Variants in SLC36A2 observed in about 807,000 individuals in gnomAD.
SLC36A2 encodes solute carrier family 36 member 2.
SLC36A2 carries 39 observed loss-of-function variants against 42.7 expected under a neutral mutation model. That is an observed-to-expected ratio of 0.91 (90% CI 0.71 to 1.19). The LOEUF (loss-of-function observed/expected upper bound fraction) is 1.19, where lower values mean the gene tolerates loss of function less well. SLC36A2 is among the 50% of genes most tolerant of loss of function. The pLI is 0.00. For missense variants in SLC36A2, 590 were observed against 613.7 expected, an observed-to-expected ratio of 0.96 and a Z score of 0.41; for synonymous variants, 237 against 240.8, an observed-to-expected ratio of 0.98 and a Z score of 0.15.
chr5:151,320,129 A>AT (rs11332796), intron 9 of SLC36A2, among the ~76,000 whole-genome samples: 213 of 151,232 alleles, frequency 1.4e-3, no homozygotes, highest in Non-Finnish European at 2.4e-3. Context: ...AGAGATTAAT[A>AT]TTTTTTTTTT....
At chr5:151,323,787 C>T (rs561602251) in intron 8 of SLC36A2, among the ~76,000 whole-genome samples, 2 of 152,298 alleles carry the variant, frequency 1.3e-5, no homozygotes, top group East Asian at 3.9e-4. Context: ...GATCAGGAGC[C>T]GGCGAAGATA....
chr5:151,335,739 G>C (rs550434531), intron 5 of SLC36A2, among the ~76,000 whole-genome samples, 192 bp from the exon 6 acceptor site: 4 of 152,242 alleles, frequency 2.6e-5, no homozygotes, highest in Non-Finnish European at 5.9e-5. Context: ...CTCAGAAGAG[G>C]CTGTACATGC....
At chr5:151,329,162 A>G (rs246491) in intron 7 of SLC36A2, among the ~76,000 whole-genome samples, 100,232 of 152,152 alleles carry the variant, frequency 0.66, 33,939 homozygotes, top group East Asian at 0.98. Flanking sequence ...AAGGCTTTGA[A>G]AACTGAACTA....
At chr5:151,320,765 C>T (rs1275784173) in intron 9 of SLC36A2, among the ~76,000 whole-genome samples, 3 of 152,184 alleles carry the variant, frequency 2.0e-5, no homozygotes, top group Non-Finnish European at 2.9e-5. Flanking sequence ...ATAGTAGCCC[C>T]ACCAAAAAAT....
At chr5:151,335,267 A>G in intron 6 of SLC36A2, 62 bp downstream of exon 6, 1 of 1,319,210 alleles carries the variant, frequency 7.6e-7, no homozygotes, top group South Asian at 1.3e-5. Flanking sequence ...TCTAAAGCTC[A>G]GTCTATCCTT....
chr5:151,320,107 T>C (rs1320782785), intron 9 of SLC36A2, among the ~76,000 whole-genome samples: 3 of 145,944 alleles, frequency 2.1e-5, no homozygotes, highest in Non-Finnish European at 4.5e-5. Flanking sequence ...AAAAAAGTTC[T>C]TTGAAGAAGA....
At chr5:151,331,309 G>C (rs1355070977) in intron 7 of SLC36A2, among the ~76,000 whole-genome samples, 2 of 151,218 alleles carry the variant, frequency 1.3e-5, no homozygotes, top group Admixed American at 1.3e-4. Context: ...CTTTTTTTCT[G>C]TTTTTGTTTC....
At chr5:151,335,583 G>A in intron 5 of SLC36A2, 36 bp from the exon 6 acceptor site, 1 of 1,452,818 alleles carries the variant, frequency 6.9e-7, no homozygotes, top group Middle Eastern at 1.8e-4. Flanking sequence ...AGGGGGAGAT[G>A]ATGAGTCTTC....
At chr5:151,342,512 A>C (rs112538435) in intron 4 of SLC36A2, among the ~76,000 whole-genome samples, 7 of 152,074 alleles carry the variant, frequency 4.6e-5, no homozygotes, top group African/African-American at 1.7e-4. Context: ...TACATATCCA[A>C]GCGGCTATTA....
intron 6 of SLC36A2, 119 bp downstream of exon 6, chr5:151,335,210 A>G (rs1474657654): frequency 9.7e-6 from 7 of 719,342 alleles, no homozygotes; most frequent in Non-Finnish European, 1.7e-5. Context: ...AGTGAGATGC[A>G]TGTCTCTCAT....
chr5:151,343,435 T>A, intron 3 of SLC36A2, 75 bp downstream of exon 3: 1 of 1,402,888 alleles, frequency 7.1e-7, no homozygotes, highest in Non-Finnish European at 1.0e-6. Flanking sequence ...ATTTCTATTA[T>A]GCATAGGATG....
rs559380776 is a variant in SLC36A2 at position 151,325,885 on chromosome 5, G to GAGT, written c.844-436_844-434dup. 3.0e-4 allele frequency among the ~76,000 whole-genome samples: 46 copies of GAGT among 152,282 alleles called. No homozygotes were observed. The East Asian group carries it at 4.8e-3, about 16-fold the overall frequency. On this transcript the variant is annotated intron_variant, in intron 7 of 9. Transcript: ENST00000335244. ...AGGACTGGCATGAGGAGAGTATGGG[G>GAGT]AGTTATTGTTTAATGGGTACAGAGT...
intron 4 of SLC36A2, among the ~76,000 whole-genome samples, chr5:151,340,399 G>A (rs981450311): frequency 6.6e-6 from 1 of 152,214 alleles, no homozygotes; most frequent in Non-Finnish European, 1.5e-5. Flanking sequence ...TATAGGAGAC[G>A]TTCGGGACAC....
chr5:151,339,131 A>C lies in SLC36A2; in HGVS notation c.454T>G (p.Phe152Val). Residue 152 changes from phenylalanine (F) to valine (V), a missense_variant, in exon 5 of 10, where the codon TTC (phenylalanine) becomes GTC (valine). Physicochemically the swap from Phe to Val is conservative, Grantham distance 50 (BLOSUM62 -1). Coordinates refer to ENST00000335244, the MANE Select transcript of SLC36A2 (RefSeq NM_181776.3). ...HAHWGRHIVS[F>V]FLIITQLGFC... is the part of the protein sequence containing the mutation. ...CCAAGTTGGGTGATAATAAGGAAGA[A>C]GCTCACGATATGCCTAGAAGGGAGA... 1 of 1,608,158 alleles carries C rather than the reference A, an allele frequency of 6.2e-7. No homozygotes were observed. The highest frequency in any genetic ancestry group is 8.5e-7 in the Non-Finnish European group (1 of 1,175,944).
chr5:151,325,988 G>T (rs1755841425), intron 7 of SLC36A2, among the ~76,000 whole-genome samples: 1 of 152,158 alleles, frequency 6.6e-6, no homozygotes, highest in Non-Finnish European at 1.5e-5. Context: ...ATGTATACTT[G>T]AAAGTGGTTA....
intron 7 of SLC36A2, among the ~76,000 whole-genome samples, chr5:151,326,429 TGA>T (rs1231662536): frequency 1.4e-4 from 22 of 152,172 alleles, no homozygotes; most frequent in Non-Finnish European, 4.4e-5. Context: ...GTGGGGAGGC[TGA>T]GACTCCAGGA....
intron 4 of SLC36A2, among the ~76,000 whole-genome samples, chr5:151,340,337 G>A (rs1756305764): frequency 6.6e-6 from 1 of 152,170 alleles, no homozygotes; most frequent in African/African-American, 2.4e-5. Flanking sequence ...AGTTTTAGGA[G>A]AAGGGGAAGA....
At chr5:151,322,500 T>A (rs1755723326) in intron 8 of SLC36A2, among the ~76,000 whole-genome samples, 1 of 152,218 alleles carries the variant, frequency 6.6e-6, no homozygotes, top group African/African-American at 2.4e-5. Context: ...ATCGCTACCA[T>A]CTGATGCTCA....
At chr5:151,322,282 T>C in intron 8 of SLC36A2, 67 bp from the exon 9 acceptor site, 2 of 1,570,996 alleles carry the variant, frequency 1.3e-6, no homozygotes, top group African/African-American at 1.4e-5. Flanking sequence ...CCTTGGAACA[T>C]TAACCTCTGA....
Sources: allele counts gnomAD v4.1 joint callset (sites outside exome capture counted in the v4.1 genomes callset), GRCh38; gene constraint gnomAD v4.1.1; transcripts MANE v1.5; gene names NCBI Gene and HGNC (gene_info 2026-07-23, HGNC 2026-07-21).